The following CACNA1E variants were observed in gnomAD, a reference collection of about 807,000 sequenced individuals.
The protein encoded by CACNA1E is voltage-dependent R-type calcium channel subunit alpha-1E.
Under a neutral mutation model 259.2 loss-of-function variants are expected in CACNA1E, and 40 were observed. The observed-to-expected ratio is 0.15, with a 90% confidence interval of 0.12 to 0.20. CACNA1E has a LOEUF of 0.20. Ranked by LOEUF, CACNA1E falls within the 10% of genes least tolerant of loss-of-function variation. The pLI is 1.00. For missense variants in CACNA1E, 1,874 were observed against 3,040.1 expected (o/e 0.62, Z 9.02); for synonymous variants, 1,104 against 1,138.5 (o/e 0.97, Z 0.61).
chr1:181,414,637 C>T (rs553713798), intron 2 of CACNA1E, among the ~76,000 whole-genome samples: 12 of 152,242 alleles, frequency 7.9e-5, no homozygotes, highest in Admixed American at 2.0e-4. Context: ...TCTTTAAGTG[C>T]CAGGCAACAT....
At chr1:181,506,951 C>T (rs543060201) in intron 1 of CACNA1E, among the ~76,000 whole-genome samples, 6 of 152,128 alleles carry the variant, frequency 3.9e-5, no homozygotes, top group South Asian at 4.1e-4. Flanking sequence ...TCTTCATTAC[C>T]GCAGCCATGA....
intron 1 of CACNA1E, among the ~76,000 whole-genome samples, chr1:181,404,139 A>G (rs1657297669): frequency 6.6e-6 from 1 of 152,188 alleles, no homozygotes; most frequent in Non-Finnish European, 1.5e-5. Context: ...GTCTAATTAG[A>G]ACCTGCTATG....
At chr1:181,661,309 G>A (rs1008468914) in intron 7 of CACNA1E, among the ~76,000 whole-genome samples, 15 of 152,220 alleles carry the variant, frequency 9.9e-5, no homozygotes, top group African/African-American at 3.6e-4. Context: ...ACAGAGAGGA[G>A]CAGCAGTTCA....
intron 1 of CACNA1E, among the ~76,000 whole-genome samples, chr1:181,391,078 C>G (rs1427699082): frequency 6.6e-6 from 1 of 152,210 alleles, no homozygotes; most frequent in African/African-American, 2.4e-5. Flanking sequence ...AATTGCTTAG[C>G]TTCTGTCTTA....
At chr1:181,480,734 G>C (rs1274621513), upstream of CACNA1E, among the ~76,000 whole-genome samples, 1 of 152,028 alleles carries the variant, frequency 6.6e-6, no homozygotes, top group Non-Finnish European at 1.5e-5. Flanking sequence ...AAGGAAAGGG[G>C]TGAGGTGACA....
chr1:181,508,539 G>T (rs186438891), intron 1 of CACNA1E, among the ~76,000 whole-genome samples: 1 of 152,180 alleles, frequency 6.6e-6, no homozygotes, highest in Non-Finnish European at 1.5e-5. Flanking sequence ...AACCTAGGCT[G>T]TTCAGAAGGC....
intron 3 of CACNA1E, among the ~76,000 whole-genome samples, chr1:181,551,725 C>T (rs1433384439): frequency 6.6e-6 from 1 of 152,112 alleles, no homozygotes; most frequent in East Asian, 1.9e-4. Flanking sequence ...ACACCTTCAA[C>T]AACATCCCTG....
intron 7 of CACNA1E, among the ~76,000 whole-genome samples, chr1:181,673,977 C>T (rs1306101511): frequency 6.6e-6 from 1 of 152,130 alleles, no homozygotes; most frequent in Middle Eastern, 3.2e-3. Context: ...AGTTCCCCAG[C>T]CACACAGCTA....
chr1:181,453,314 A>C (rs776562431), intron 2 of CACNA1E, among the ~76,000 whole-genome samples: 4 of 152,220 alleles, frequency 2.6e-5, no homozygotes, highest in Non-Finnish European at 4.4e-5. Context: ...AGAACTGCCT[A>C]GAATTTAGTG....
chr1:181,774,165 T>G (rs1173824868), intron 37 of CACNA1E, among the ~76,000 whole-genome samples: 2 of 152,198 alleles, frequency 1.3e-5, no homozygotes, highest in African/African-American at 4.8e-5. Flanking sequence ...AAGTAATAGG[T>G]GTGACTGCAC....
chr1:181,345,346 T>A (rs1035106693), intron 1 of CACNA1E, among the ~76,000 whole-genome samples: 1 of 152,156 alleles, frequency 6.6e-6, no homozygotes, highest in African/African-American at 2.4e-5. Flanking sequence ...TGAATTTGAG[T>A]GACAGGAAAC....
In CACNA1E at chr1:181,732,525, G is replaced by A. The variant is rs779571555; in HGVS notation, c.2439G>A (p.Pro813=). The A allele has an allele frequency of 2.3e-5, 35 of 1,551,294 alleles. No homozygotes were observed. The South Asian group carries it at 2.3e-4, about 10-fold the overall frequency. ...PTMNPLNPLN[P]LSSLNPLNAH... is the part of the protein sequence containing the mutation. Reference sequence around the variant, plus strand: ...TGAACCCGCTCAACCCCCTCAACCCGCTCAGCTCCCTCAACCCGCTCAATG... The same window carrying A: ...TGAACCCGCTCAACCCCCTCAACCCACTCAGCTCCCTCAACCCGCTCAATG... Residue 813 remains proline, a synonymous_variant, in exon 20 of 48, where the codon CCG becomes CCA. Transcript: ENST00000367573. The surrounding 1 kb of genome is among the most constrained non-coding windows in gnomAD (Gnocchi z 5.5).
At chr1:181,577,621 C>A in intron 3 of CACNA1E, 145 bp from the exon 4 acceptor site, 1 of 521,372 alleles carries the variant, frequency 1.9e-6, no homozygotes, top group Non-Finnish European at 3.5e-6. Flanking sequence ...ACTGGTGATT[C>A]ACCCAAGCTC....
At chr1:181,562,664 G>A (rs990715289) in intron 3 of CACNA1E, among the ~76,000 whole-genome samples, 1 of 152,118 alleles carries the variant, frequency 6.6e-6, no homozygotes, top group Non-Finnish European at 1.5e-5. Context: ...AAAGATTTTT[G>A]CCCTCAAGTT....
At chr1:181,736,923 G>A (rs1047765075) in intron 22 of CACNA1E, among the ~76,000 whole-genome samples, 1 of 152,188 alleles carries the variant, frequency 6.6e-6, no homozygotes, top group African/African-American at 2.4e-5. Context: ...TGAAGTGGGG[G>A]TGACAGAGCG....
At position 181,518,490 on chromosome 1, in the gene CACNA1E, T is replaced by G. The variant is rs141289456; in HGVS notation, c.512+6980T>G. Among the ~76,000 whole-genome samples the G allele has an allele frequency of 2.6e-3, 392 of 152,276 alleles. 3 individuals carry two copies. The highest frequency in any genetic ancestry group is 0.025 in the East Asian group (130 of 5,184). Reference sequence around the variant, plus strand: ...GGGCAAATGATGGAAAAGATAAGGTTAGAATATAGGATTTCGATTCCAGGG... The same window carrying G: ...GGGCAAATGATGGAAAAGATAAGGTGAGAATATAGGATTTCGATTCCAGGG... On this transcript the variant is annotated intron_variant, in intron 3 of 47. Coordinates refer to ENST00000367573, the MANE Select transcript of CACNA1E (RefSeq NM_001205293.3).
At chr1:181,702,498 T>C (rs544472052) in intron 7 of CACNA1E, among the ~76,000 whole-genome samples, 3 of 152,166 alleles carry the variant, frequency 2.0e-5, no homozygotes, top group Non-Finnish European at 4.4e-5. Context: ...AACTGACCAA[T>C]CGTTTCCCAA....
rs138924103 is a variant in CACNA1E at position 181,648,752 on chromosome 1, C to T, written c.952-2586C>T. ...TCTGAGCCACCCTCAAACTGTAGCT[C>T]AATTATTTAAGAACAAAATTATCTT... On this transcript the variant is annotated intron_variant, in intron 6 of 47. Transcript: ENST00000367573. Among the ~76,000 whole-genome samples, 920 of 152,292 alleles carry T rather than the reference C, an allele frequency of 6.0e-3. 8 individuals carry two copies. Among genetic ancestry groups the T allele is most frequent in the Non-Finnish European group, 1.0e-2 (680 of 68,034 alleles).
intron 1 of CACNA1E, among the ~76,000 whole-genome samples, chr1:181,348,544 T>G (rs1471983292): frequency 6.6e-6 from 1 of 152,188 alleles, no homozygotes; most frequent in Non-Finnish European, 1.5e-5. Context: ...CAGATCTCAT[T>G]AACCATTGCT....
Sources: allele counts gnomAD v4.1 joint callset (sites outside exome capture counted in the v4.1 genomes callset), GRCh38; gene constraint gnomAD v4.1.1; non-coding constraint Gnocchi (gnomAD v3.1); transcripts MANE v1.5; gene names NCBI Gene and HGNC (gene_info 2026-07-23, HGNC 2026-07-21).